NRAP: variants seen among roughly 807,000 people sequenced by gnomAD.
NRAP encodes nebulin-related-anchoring protein.
In NRAP, 189 loss-of-function variants were observed where a neutral mutation model predicts 225.9. The ratio of observed to expected loss-of-function variants is 0.84; its 90% CI spans 0.74 to 0.94. The LOEUF (loss-of-function observed/expected upper bound fraction) is 0.94. Among genes scored for constraint, NRAP ranks in the 40% least tolerant of loss-of-function variants. The probability of loss-of-function intolerance (pLI) is 0.00; values close to 1 mark genes in which losing one functional copy is unlikely to be tolerated. For synonymous variants in NRAP, 769 were observed against 790.7 expected (o/e 0.97, Z 0.46); for missense variants, 2,176 against 2,168.7 (o/e 1.00, Z -0.07).
At chr10:113,648,877 G>T (rs77741765) in intron 9 of NRAP, among the ~76,000 whole-genome samples, 1 of 152,102 alleles carries the variant, frequency 6.6e-6, no homozygotes, top group Non-Finnish European at 1.5e-5. Context: ...GACATGTCTA[G>T]GTACACATAT....
chr10:113,653,935 C>T (rs1850143112), intron 5 of NRAP, 86 bp downstream of exon 5: 5 of 831,150 alleles, frequency 6.0e-6, no homozygotes, highest in South Asian at 5.6e-5. Flanking sequence ...ATTCTGTCTA[C>T]CGAAATTGTA....
chr10:113,608,398 C>T lies in NRAP; in HGVS notation c.3702+16G>A, dbSNP rs1242022688. The T allele has an allele frequency of 6.6e-7, 1 of 1,526,304 alleles. No homozygotes were observed. Among genetic ancestry groups the T allele is most frequent in the South Asian group, 1.1e-5 (1 of 88,352 alleles). 94.5% of individuals were successfully genotyped at this position (1,526,304 alleles called of 1,614,324 possible). ...GTTTTTAAAAAGACCATTCCAAAGC[C>T]ATCAGGAGATTTTACCTCATTCGTT... On this transcript the variant is annotated intron_variant, in intron 32 of 41. Coordinates refer to ENST00000359988, the MANE Select transcript of NRAP (RefSeq NM_198060.4).
intron 3 of NRAP, among the ~76,000 whole-genome samples, chr10:113,660,269 A>T (rs1380274524): frequency 6.6e-6 from 1 of 152,122 alleles, no homozygotes; most frequent in East Asian, 1.9e-4. Context: ...GAACATGTGC[A>T]CACACATACT....
chr10:113,640,029 T>C (rs530260770), intron 14 of NRAP, among the ~76,000 whole-genome samples, 198 bp downstream of exon 14: 79 of 152,318 alleles, frequency 5.2e-4, no homozygotes, highest in African/African-American at 1.9e-3. Context: ...CTAGTTCACA[T>C]TGAAAATCTA....
At chr10:113,601,017 A>G (rs1846565123) in intron 35 of NRAP, among the ~76,000 whole-genome samples, 1 of 152,174 alleles carries the variant, frequency 6.6e-6, no homozygotes, top group Non-Finnish European at 1.5e-5. Flanking sequence ...CATTTCCTGC[A>G]TGTGCCTTTC....
rs142929241 is a variant in NRAP, at chr10:113,588,989, C to A, written c.5179G>T (p.Ala1727Ser). 3 of 1,613,532 alleles carry A rather than the reference C, an allele frequency of 1.9e-6. No individual in the cohort carries two copies. Among genetic ancestry groups the A allele is most frequent in the Non-Finnish European group, 1.7e-6 (2 of 1,179,510 alleles). Residue 1727 changes from alanine (A) to serine (S), a missense_variant, in exon 42 of 42, where the codon GCC becomes TCC. Physicochemically the swap from Ala to Ser is moderately conservative, Grantham distance 99 (BLOSUM62 1). Around this residue, in one of 3 missense-constraint regions of NRAP, gnomAD observed 445 missense variants for 426.1 expected, o/e 1.04. Transcript: ENST00000359988. ...GTGGACATGGCTCACAACAGCAGGG[C>A]CTTCTTCTTTTTGACGTGCAGAATC... ...TEILHVKKKK[A>S]LLL
At chr10:113,652,833 C>T (rs1325587349) in intron 6 of NRAP, 102 bp downstream of exon 6, 13 of 762,804 alleles carry the variant, frequency 1.7e-5, no homozygotes, top group Non-Finnish European at 2.7e-5. Context: ...ATGGTACCTA[C>T]TTCCCCAAAG....
intron 35 of NRAP, among the ~76,000 whole-genome samples, chr10:113,600,718 G>A (rs555648763): frequency 2.0e-5 from 3 of 152,284 alleles, no homozygotes; most frequent in Admixed American, 6.5e-5. Flanking sequence ...GTACAGTCTT[G>A]AGCAAGTCAT....
At chr10:113,598,790 CATT>C (rs1170740573) in intron 35 of NRAP, among the ~76,000 whole-genome samples, 2 of 152,294 alleles carry the variant, frequency 1.3e-5, no homozygotes, top group East Asian at 3.9e-4. Flanking sequence ...CACTGTTACT[CATT>C]ATGATTTGTT....
Position 113,663,359 on chromosome 10 carries a change from A to C in NRAP, c.160T>G (p.Cys54Gly), listed in dbSNP as rs1850813135. Residue 54 changes from cysteine (C) to glycine (G), a missense_variant, in exon 2 of 42, where the codon TGT becomes GGT. Physicochemically the swap from Cys to Gly is radical, Grantham distance 159 (BLOSUM62 -3). Transcript: ENST00000359988. ...NFVSHQKKPYCHAHNPKNNTF... is the reference protein window; with the variant it reads ...NFVSHQKKPYGHAHNPKNNTF... ...GGGGCATCAAACACTTACGCGTGAC[A>C]GTACGGCTTTTTCTGGTGACTCACA... 1 of 1,604,440 alleles carries C rather than the reference A, an allele frequency of 6.2e-7. No homozygotes were observed. The highest frequency in any genetic ancestry group is 8.5e-7 in the Non-Finnish European group (1 of 1,171,134).
intron 14 of NRAP, among the ~76,000 whole-genome samples, chr10:113,638,331 GT>G (rs201640349): frequency 2.0e-5 from 3 of 150,972 alleles, no homozygotes; most frequent in South Asian, 2.1e-4. Flanking sequence ...CATTTTGAAG[GT>G]TTTTTTTTCT....
chr10:113,606,877 C>A (rs1319233595), intron 32 of NRAP, among the ~76,000 whole-genome samples: 1 of 152,078 alleles, frequency 6.6e-6, no homozygotes, highest in Non-Finnish European at 1.5e-5. Flanking sequence ...ACCAGCCTGG[C>A]CAACATGGTG....
intron 35 of NRAP, among the ~76,000 whole-genome samples, chr10:113,603,364 C>A (rs940044477): frequency 6.6e-6 from 1 of 151,978 alleles, no homozygotes; most frequent in Non-Finnish European, 1.5e-5. Context: ...AGGGAAGGAC[C>A]TCCCTGAGGT....
intron 35 of NRAP, among the ~76,000 whole-genome samples, chr10:113,601,077 C>G (rs914714686): frequency 6.6e-6 from 1 of 152,152 alleles, no homozygotes; most frequent in Non-Finnish European, 1.5e-5. Context: ...AGGCAACAGC[C>G]GACTTGAGAA....
Position 113,597,955 on chromosome 10 carries a change from C to A in NRAP, c.4332+14G>T. ...TTGCCCTTGTCACTTGTGGTGGGGA[C>A]AGGTTGATGGTACCTCGCTGATGAG... On this transcript the variant is annotated intron_variant, in intron 36 of 41. Transcript: ENST00000359988. The A allele has an allele frequency of 1.3e-6, 2 of 1,557,788 alleles. No individual in the cohort carries two copies. Among genetic ancestry groups the A allele is most frequent in the Non-Finnish European group, 1.8e-6 (2 of 1,128,608 alleles).
At chr10:113,599,684 G>T (rs1388311982) in intron 35 of NRAP, among the ~76,000 whole-genome samples, 1 of 152,278 alleles carries the variant, frequency 6.6e-6, no homozygotes, top group East Asian at 1.9e-4. Context: ...TATTCACGCA[G>T]ACCCTAAAAA....
intron 16 of NRAP, 145 bp from the exon 17 acceptor site, chr10:113,632,109 T>C: frequency 1.6e-6 from 1 of 634,682 alleles, no homozygotes; most frequent in Non-Finnish European, 2.8e-6. Flanking sequence ...ACAGTAATTA[T>C]TAACACAGTT....
At chr10:113,600,641 A>G (rs1846544350) in intron 35 of NRAP, among the ~76,000 whole-genome samples, 1 of 152,196 alleles carries the variant, frequency 6.6e-6, no homozygotes, top group Non-Finnish European at 1.5e-5. Context: ...CACCTGGGGA[A>G]GCCAAAGAGA....
intron 14 of NRAP, among the ~76,000 whole-genome samples, chr10:113,638,354 A>T (rs1849001751): frequency 6.6e-6 from 1 of 152,134 alleles, no homozygotes; most frequent in Non-Finnish European, 1.5e-5. Flanking sequence ...TTTGCTAAAG[A>T]TAGAGTCTCA....
Sources: allele counts gnomAD v4.1 joint callset (sites outside exome capture counted in the v4.1 genomes callset), GRCh38; gene constraint gnomAD v4.1.1; regional missense constraint gnomAD v4.1.1; transcripts MANE v1.5; gene names NCBI Gene and HGNC (gene_info 2026-07-23, HGNC 2026-07-21).